PRSS23: variants seen among roughly 807,000 people sequenced by gnomAD.
PRSS23 encodes the protein serine protease 23.
PRSS23 carries 25 observed loss-of-function variants against 34.7 expected under a neutral mutation model. The ratio of observed to expected loss-of-function variants is 0.72; its 90% confidence interval spans 0.53 to 1.01. The LOEUF (loss-of-function observed/expected upper bound fraction) is 1.01. Among genes scored for constraint, PRSS23 ranks in the 50% least tolerant of loss-of-function variants. The pLI, the probability that PRSS23 is intolerant of heterozygous loss-of-function variation, is 0.00. For synonymous variants in PRSS23, 176 were observed against 186.6 expected (o/e 0.94, Z 0.46); for missense variants, 445 against 475.6 (o/e 0.94, Z 0.60).
chr11:86,807,788 G>C lies in PRSS23; in HGVS notation c.145G>C (p.Ala49Pro), dbSNP rs756019537. 6.2e-7 allele frequency: 1 copy of C among 1,614,128 alleles called. No individual in the cohort carries two copies. The highest frequency in any genetic ancestry group is 8.5e-7 in the Non-Finnish European group (1 of 1,180,026). The stretch of plus-strand genomic sequence containing the variant: ...CTTGCCCCAGTCTACCCTCAATTTA[G>C]CCAAGCCAGACTTTGGAGCCGAAGC... ...VVLPQSTLNL[A>P]KPDFGAEAKL... Residue 49 changes from alanine to proline, a missense_variant, in exon 2 of 2, where the codon GCC becomes CCC. Ala to Pro is a conservative substitution (Grantham distance 27). Coordinates refer to ENST00000280258, the MANE Select transcript of PRSS23 (RefSeq NM_007173.6).
chr11:86,855,605 G>T (rs1251496539), intron 2 of PRSS23, among the ~76,000 whole-genome samples: 2 of 152,052 alleles, frequency 1.3e-5, no homozygotes, highest in African/African-American at 4.8e-5. Flanking sequence ...AAGCGATTCT[G>T]CTGCCTCAGC....
At chr11:86,898,468 GT>G (rs1416143428) in intron 2 of PRSS23, among the ~76,000 whole-genome samples, 9 of 152,152 alleles carry the variant, frequency 5.9e-5, no homozygotes, top group Admixed American at 5.9e-4. Flanking sequence ...CTCATTTTCT[GT>G]TGAATGTAGT....
At chr11:86,864,672 T>C (rs1375922913) in intron 2 of PRSS23, among the ~76,000 whole-genome samples, 1 of 120,344 alleles carries the variant, frequency 8.3e-6, no homozygotes, top group Non-Finnish European at 2.1e-5. Flanking sequence ...GCAAGACTGA[T>C]TTATTATCTT....
intron 2 of PRSS23, among the ~76,000 whole-genome samples, chr11:86,845,205 C>T (rs911370142): frequency 1.3e-5 from 2 of 152,116 alleles, no homozygotes; most frequent in African/African-American, 4.8e-5. Context: ...TTGCTATCTC[C>T]TGTGTGCCAC....
chr11:86,857,659 G>A (rs866037982), intron 2 of PRSS23: 38 of 538,202 alleles, frequency 7.1e-5, no homozygotes, highest in Middle Eastern at 3.2e-4. Context: ...TCGGTCATAG[G>A]CCATCAGAGT....
intron 2 of PRSS23, among the ~76,000 whole-genome samples, chr11:86,891,565 C>G (rs1434585364): frequency 1.3e-5 from 2 of 152,118 alleles, no homozygotes; most frequent in Non-Finnish European, 2.9e-5. Context: ...AAGAGGAAAT[C>G]TTTTGGGTGT....
At chr11:86,877,579 A>C (rs1948733388) in intron 2 of PRSS23, among the ~76,000 whole-genome samples, 1 of 152,116 alleles carries the variant, frequency 6.6e-6, no homozygotes. Context: ...TTGTCTCAGC[A>C]CTATTTGTTG....
At chr11:86,941,914 C>T (rs1237379118) in intron 2 of PRSS23, among the ~76,000 whole-genome samples, 1 of 152,184 alleles carries the variant, frequency 6.6e-6, no homozygotes, top group South Asian at 2.1e-4. Flanking sequence ...TTAAAACCCT[C>T]CCTTCCTCCC....
intron 1 of PRSS23, among the ~76,000 whole-genome samples, chr11:86,801,169 G>T (rs1043074275): frequency 6.6e-6 from 1 of 152,218 alleles, no homozygotes; most frequent in Admixed American, 6.5e-5. Context: ...CTGGGAAATA[G>T]AATCTTTTCT....
intron 2 of PRSS23, among the ~76,000 whole-genome samples, chr11:86,914,581 G>T (rs1590926036): frequency 6.6e-6 from 1 of 152,206 alleles, no homozygotes; most frequent in South Asian, 2.1e-4. Flanking sequence ...TTTTGTTTCA[G>T]TTTTTATGTG....
intron 2 of PRSS23, among the ~76,000 whole-genome samples, chr11:86,839,485 C>T (rs1050870547): frequency 7.2e-5 from 11 of 152,104 alleles, no homozygotes; most frequent in African/African-American, 2.7e-4. Flanking sequence ...ATTGATGTAC[C>T]TCAAAGTGAT....
At position 86,807,898 on chromosome 11, in the gene PRSS23, G is replaced by A; in HGVS notation, c.255G>A (p.Leu85=). Residue 85 remains leucine (L), a synonymous_variant, in exon 2 of 2, where the codon CTG becomes CTA. Coordinates refer to ENST00000280258, the MANE Select transcript of PRSS23 (RefSeq NM_007173.6). ...LPTYEEAKQY[L]SYETLYANGS... is the part of the protein sequence containing the mutation. ...CTTACGAAGAGGCCAAGCAATATCT[G>A]TCTTATGAAACGCTCTATGCCAATG... 6.2e-7 allele frequency: 1 copy of A among 1,614,152 alleles called. No individual in the cohort carries two copies. Among genetic ancestry groups the A allele is most frequent in the Non-Finnish European group, 8.5e-7 (1 of 1,180,030 alleles).
At chr11:86,916,317 T>C (rs918975562) in intron 2 of PRSS23, among the ~76,000 whole-genome samples, 3 of 152,144 alleles carry the variant, frequency 2.0e-5, no homozygotes, top group Admixed American at 6.5e-5. Flanking sequence ...GGAATTTTAA[T>C]TGGAGATAAT....
intron 2 of PRSS23, among the ~76,000 whole-genome samples, chr11:86,943,692 T>C (rs1004393914): frequency 2.6e-4 from 39 of 152,298 alleles, no homozygotes; most frequent in African/African-American, 9.1e-4. Context: ...ATTAGTTTCC[T>C]TGGGCTGCTG....
exon 3 of PRSS23, chr11:86,951,869 C>T: frequency 4.3e-6 from 7 of 1,613,604 alleles, no homozygotes; most frequent in Non-Finnish European, 5.9e-6. Context: ...GTTCTTAAGT[C>T]CTTCTTGGAT....
rs77933446 is a variant in PRSS23, at chr11:86,819,392, T to G, written c.-11-3985T>G. ...GCCAATTATTGGCTCCATTTTTTTT[T>G]AGAGAGAGAACACCTACACTGCTAT... is the stretch of plus-strand genomic sequence containing the variant. On this transcript the variant is annotated intron_variant, in intron 1 of 2. Coordinates refer to the PRSS23 transcript ENST00000533902. Among the ~76,000 whole-genome samples the G allele has an allele frequency of 1.4e-4, 22 of 152,332 alleles. No individual in the cohort carries two copies. The South Asian group carries it at 3.3e-3, about 23-fold the overall frequency.
intron 1 of PRSS23, among the ~76,000 whole-genome samples, chr11:86,804,826 C>T (rs746853887): frequency 1.3e-5 from 2 of 152,126 alleles, no homozygotes; most frequent in Non-Finnish European, 2.9e-5. Context: ...GGCTGTGGCT[C>T]ATGAAAGAGG....
chr11:86,936,835 A>G (rs1017313330), intron 2 of PRSS23: 1 of 151,556 alleles, frequency 6.6e-6, no homozygotes, highest in Non-Finnish European at 1.5e-5. Context: ...AGGCCACAGT[A>G]AGCCATGATC....
chr11:86,794,453 C>G (rs1277649896), intron 1 of PRSS23, among the ~76,000 whole-genome samples: 1 of 152,122 alleles, frequency 6.6e-6, no homozygotes, highest in East Asian at 1.9e-4. Flanking sequence ...ATTTTTCTTT[C>G]TGATAATTTT....
Sources: gnomAD v4.1 joint callset for allele counts (sites outside exome capture counted in the v4.1 genomes callset) on GRCh38, gnomAD v4.1.1 for gene constraint, MANE v1.5 for transcripts, NCBI Gene and HGNC (gene_info 2026-07-23, HGNC 2026-07-21) for gene names.